Variants in PRR16 observed in about 807,000 individuals in gnomAD.
The protein encoded by PRR16 is proline rich 16.
PRR16 carries 6 observed loss-of-function variants against 18.2 expected under a neutral mutation model. The observed-to-expected ratio is 0.33, with a 90% CI of 0.18 to 0.65. The LOEUF is 0.65. Ranked by LOEUF, PRR16 falls within the 30% of genes least tolerant of loss-of-function variation. The probability of loss-of-function intolerance (pLI) is 0.74; values close to 1 mark genes in which losing one functional copy is unlikely to be tolerated. For synonymous variants in PRR16, 151 were observed against 147.8 expected (o/e 1.02, Z -0.16); for missense variants, 412 against 376.6 (o/e 1.09, Z -0.78).
the PRR16 span, among the ~76,000 whole-genome samples, chr5:120,752,237 C>A: frequency 6.6e-6 from 1 of 151,864 alleles, no homozygotes; most frequent in Non-Finnish European, 1.5e-5. Flanking sequence ...ACTTCTTTGA[C>A]CATTAGACAA....
At chr5:120,749,473 G>T in the PRR16 span, among the ~76,000 whole-genome samples, 1 of 152,078 alleles carries the variant, frequency 6.6e-6, no homozygotes, top group African/African-American at 2.4e-5. Context: ...AAAGTCAAAT[G>T]TAAGTCTTTT....
chr5:120,736,051 C>A, the PRR16 span, among the ~76,000 whole-genome samples: 2 of 152,122 alleles, frequency 1.3e-5, no homozygotes, highest in African/African-American at 2.4e-5. Context: ...TCAATTTTCT[C>A]AGGAGAAATT....
intron 1 of PRR16, among the ~76,000 whole-genome samples, chr5:120,594,186 C>G (rs764876881): frequency 3.9e-5 from 6 of 152,018 alleles, no homozygotes; most frequent in Non-Finnish European, 5.9e-5. Flanking sequence ...AAAAGTCAAC[C>G]AAATAGGAAG....
the PRR16 span, among the ~76,000 whole-genome samples, chr5:120,778,570 A>G: frequency 0.48 from 72,974 of 152,002 alleles, 18,118 homozygotes; most frequent in African/African-American, 0.6. Context: ...CCCAAGTCCA[A>G]TAGCTTCAGG....
intron 1 of PRR16, among the ~76,000 whole-genome samples, chr5:120,518,355 TA>T (rs1430303484): frequency 6.6e-6 from 1 of 152,140 alleles, no homozygotes; most frequent in Admixed American, 6.5e-5. Flanking sequence ...ACTGACTCTG[TA>T]GGAGACAAAT....
At chr5:120,743,308 A>G in the PRR16 span, among the ~76,000 whole-genome samples, 1 of 151,752 alleles carries the variant, frequency 6.6e-6, no homozygotes, top group East Asian at 1.9e-4. Flanking sequence ...GGTTAGTAAA[A>G]TTTAGTTTTG....
the PRR16 span, among the ~76,000 whole-genome samples, chr5:120,701,664 G>C: frequency 1.3e-4 from 20 of 152,216 alleles, no homozygotes; most frequent in African/African-American, 4.8e-4. Context: ...GAGGAAAGGA[G>C]AGGTCAGATG....
the PRR16 span, among the ~76,000 whole-genome samples, chr5:120,779,025 C>A: frequency 6.6e-6 from 1 of 152,126 alleles, no homozygotes; most frequent in Non-Finnish European, 1.5e-5. Flanking sequence ...TGAAGGTACT[C>A]TCATTCCACC....
chr5:120,639,569 G>T (rs761727045), intron 1 of PRR16, among the ~76,000 whole-genome samples: 3 of 151,916 alleles, frequency 2.0e-5, no homozygotes, highest in Non-Finnish European at 4.4e-5. Context: ...CATCTATGGA[G>T]AAATGCAGAA....
chr5:120,680,714 G>A (rs1328553113), intron 1 of PRR16, among the ~76,000 whole-genome samples: 1 of 152,104 alleles, frequency 6.6e-6, no homozygotes, highest in Admixed American at 6.5e-5. Flanking sequence ...GGATTATCAG[G>A]TTGTTTCATT....
the PRR16 span, among the ~76,000 whole-genome samples, chr5:120,793,595 C>G: frequency 6.6e-6 from 1 of 151,988 alleles, no homozygotes; most frequent in African/African-American, 2.4e-5. Flanking sequence ...TCAGATCTCA[C>G]CTATCTACAT....
At chr5:120,782,776 T>C in the PRR16 span, among the ~76,000 whole-genome samples, 1 of 152,196 alleles carries the variant, frequency 6.6e-6, no homozygotes, top group African/African-American at 2.4e-5. Flanking sequence ...CTGCAAATTT[T>C]GTGGCTGGTC....
At chr5:120,709,882 A>C in the PRR16 span, among the ~76,000 whole-genome samples, 2 of 152,034 alleles carry the variant, frequency 1.3e-5, no homozygotes, top group Non-Finnish European at 2.9e-5. Context: ...AAATTTATCC[A>C]TGATGGGCAC....
intron 1 of PRR16, among the ~76,000 whole-genome samples, chr5:120,473,076 A>T (rs1268566475): frequency 6.6e-6 from 1 of 152,184 alleles, no homozygotes; most frequent in Admixed American, 6.6e-5. Flanking sequence ...TGAAGAAAGT[A>T]AAAGATGCAT....
In PRR16 at chr5:120,468,043, A is replaced by G. The variant is rs1373750638; in HGVS notation, c.159+3398A>G. ...TCCAACATCAGCAGTATAAAAAGAC[A>G]TTGTGGCCTTTAGTGGCCACTCTCA... On this transcript the variant is annotated intron_variant, in intron 1 of 1. Coordinates refer to ENST00000407149, the MANE Select transcript of PRR16 (RefSeq NM_001300783.2). Among the ~76,000 whole-genome samples, 3 of 152,144 alleles carry G rather than the reference A, an allele frequency of 2.0e-5. No individual in the cohort carries two copies. The East Asian group carries it at 5.8e-4, about 29-fold the overall frequency.
At chr5:120,494,078 A>G (rs1750158643) in intron 1 of PRR16, among the ~76,000 whole-genome samples, 1 of 152,202 alleles carries the variant, frequency 6.6e-6, no homozygotes, top group South Asian at 2.1e-4. Context: ...ATCAAATGCC[A>G]GTTACATGTT....
chr5:120,512,178 T>C (rs1028891707), intron 1 of PRR16, among the ~76,000 whole-genome samples: 4 of 82,930 alleles, frequency 4.8e-5, no homozygotes, highest in South Asian at 3.0e-4. Context: ...ATTGACCTTG[T>C]TTCCCCTCCA....
At chr5:120,739,439 A>T in the PRR16 span, among the ~76,000 whole-genome samples, 1 of 152,162 alleles carries the variant, frequency 6.6e-6, no homozygotes, top group Non-Finnish European at 1.5e-5. Flanking sequence ...TTCTTTGTCT[A>T]ACTCAACTAT....
intron 1 of PRR16, among the ~76,000 whole-genome samples, chr5:120,622,185 G>A (rs1754712852): frequency 6.6e-6 from 1 of 151,982 alleles, no homozygotes; most frequent in East Asian, 1.9e-4. Context: ...TCAAATTTAA[G>A]CCCCTTAAGA....
Sources: gnomAD v4.1 joint callset for allele counts (sites outside exome capture counted in the v4.1 genomes callset) on GRCh38, gnomAD v4.1.1 for gene constraint, MANE v1.5 for transcripts, NCBI Gene and HGNC (gene_info 2026-07-23, HGNC 2026-07-21) for gene names.